The following PDK2 variants were observed in gnomAD, a reference collection of about 807,000 sequenced individuals.
PDK2 encodes the protein pyruvate dehydrogenase kinase, isozyme 2.
In PDK2, 34 loss-of-function variants were observed where a neutral mutation model predicts 50.4. The ratio of observed to expected loss-of-function variants is 0.68; its 90% CI spans 0.51 to 0.90. PDK2 has a LOEUF of 0.90. PDK2 is among the 40% of genes least tolerant of loss of function. PDK2 has a pLI of 0.00. For synonymous variants in PDK2, 232 were observed against 216.0 expected (o/e 1.07, Z -0.65); for missense variants, 377 against 544.5 (o/e 0.69, Z 3.06).
chr17:50,097,471 A>G lies in PDK2; in HGVS notation c.167A>G (p.Glu56Gly). The change falls in exon 2 of 11, where the codon GAG (glutamate) becomes GGG (glycine). Residue 56 changes from glutamate to glycine, a missense_variant. Physicochemically the swap from Glu to Gly is moderately conservative, Grantham distance 98. This residue lies in a region of PDK2 where 100 missense variants were observed against 115.5 expected (regional missense o/e 0.87). Transcript: ENST00000503176. The part of the protein sequence containing the change: ...EKTSFTFLRQ[E>G]LPVRLANIMK... ...ACCTCCTTCACCTTCCTCAGGCAGG[A>G]GCTGCCTGTGCGCCTGGCCAACATC... 1 of 1,613,770 alleles carries G rather than the reference A, an allele frequency of 6.2e-7. No individual in the cohort carries two copies. The highest frequency in any genetic ancestry group is 8.5e-7 in the Non-Finnish European group (1 of 1,179,814).
chr17:50,100,065 G>C (rs146062327), intron 2 of PDK2, among the ~76,000 whole-genome samples: 9 of 152,328 alleles, frequency 5.9e-5, no homozygotes, highest in Middle Eastern at 3.4e-3. Flanking sequence ...CTGAGAGGAG[G>C]GGGGAGACTT....
chr17:50,100,861 G>A (rs1280942312), intron 2 of PDK2: 1 of 152,290 alleles, frequency 6.6e-6, no homozygotes, highest in African/African-American at 2.4e-5. Flanking sequence ...ATTCTTGAAG[G>A]GAAAGGAGGG....
chr17:50,099,326 G>C (rs1191312232), intron 2 of PDK2, among the ~76,000 whole-genome samples: 1 of 152,178 alleles, frequency 6.6e-6, no homozygotes, highest in African/African-American at 2.4e-5. Flanking sequence ...AGGAGGGCAG[G>C]GGCCTGCTGA....
chr17:50,107,249 CA>C lies in PDK2; in HGVS notation c.685+97del, dbSNP rs1302187426. On this transcript the variant is annotated intron_variant, in intron 6 of 10. Coordinates refer to ENST00000503176, the MANE Select transcript of PDK2 (RefSeq NM_002611.5). ...GTCAGGAGATGGACTGTTTTCTAGA[CA>C]GGGGAGAAGCAGAGTTATTATATTA... 8 of 890,858 alleles carry C rather than the reference CA, an allele frequency of 9.0e-6. No homozygotes were observed. In the African/African-American group the frequency reaches 9.9e-5, roughly 11 times the overall value. The allele number at this position is 890,858 out of a possible 1,614,324, so 55.2% of individuals were successfully genotyped here.
At chr17:50,105,739 A>T in intron 3 of PDK2, 146 bp from the exon 4 acceptor site, 1 of 1,145,146 alleles carries the variant, frequency 8.7e-7, no homozygotes, top group Non-Finnish European at 1.2e-6. Context: ...CTAAAAGATC[A>T]GAGTGGGCTT....
rs980252335 is a variant in PDK2 at position 50,109,125 on chromosome 17, C to T, written c.970-162C>T. Among the ~76,000 whole-genome samples the T allele has an allele frequency of 6.6e-6, 1 of 152,096 alleles. No homozygotes were observed. Among genetic ancestry groups the T allele is most frequent in the Admixed American group, 6.5e-5 (1 of 15,278 alleles). On this transcript the variant is annotated intron_variant, in intron 9 of 10. Transcript: ENST00000503176. The surrounding 1 kb of genome is among the most constrained non-coding windows in gnomAD (Gnocchi z 5.0). ...ATGATTGCCCCATTCACCCCACACA[C>T]ACTTCTTACCTCAGTGTCCCCTCCC...
rs1910023431 is a variant in PDK2, at chr17:50,097,756, C to T, written c.260+192C>T. 5 of 585,556 alleles carry T rather than the reference C, an allele frequency of 8.5e-6. No homozygotes were observed. In the East Asian group the frequency reaches 8.7e-5, roughly 10 times the overall value. The allele number at this position is 585,556 out of a possible 1,614,324, so 36.3% of individuals were successfully genotyped here. A position where few individuals can be genotyped will look rare whatever the true frequency, so the allele number is the denominator to read the frequency against. On this transcript the variant is annotated intron_variant, in intron 2 of 10. Coordinates refer to ENST00000503176, the MANE Select transcript of PDK2 (RefSeq NM_002611.5). ...AGGCCAGAGCAGGACTGAGGTCAAGCTCCTAGTCTCTGTGTCTAGCCCTCT... is the reference window on the plus strand; with the variant it reads ...AGGCCAGAGCAGGACTGAGGTCAAGTTCCTAGTCTCTGTGTCTAGCCCTCT...
rs1383373433 is a variant in PDK2, at chr17:50,111,567, C to T, written c.*1470C>T. 6.6e-6 allele frequency: 1 copy of T among 152,260 alleles called. No individual in the cohort carries two copies. The highest frequency in any genetic ancestry group is 1.5e-5 in the Non-Finnish European group (1 of 68,072). 9.4% of individuals were successfully genotyped at this position (152,260 alleles called of 1,614,324 possible). A position where few individuals can be genotyped will look rare whatever the true frequency, so the allele number is the denominator to read the frequency against. On this transcript the variant is annotated 3_prime_UTR_variant, in exon 11 of 11. Coordinates refer to ENST00000503176, the MANE Select transcript of PDK2 (RefSeq NM_002611.5). ...GGTACAGGGTGCTGGCCGTAAGCCA[C>T]AGCCCCTGGGCAGGAATGAGGGAGC...
chr17:50,097,328 C>G (rs1033974356), intron 1 of PDK2, 95 bp from the exon 2 acceptor site: 1 of 1,311,862 alleles, frequency 7.6e-7, no homozygotes, highest in Non-Finnish European at 1.1e-6. Flanking sequence ...GCTCTCTGAG[C>G]CCCCTGTTAA....
At chr17:50,105,202 A>T in intron 2 of PDK2, 169 bp from the exon 3 acceptor site, 1 of 491,882 alleles carries the variant, frequency 2.0e-6, no homozygotes, top group Non-Finnish European at 3.6e-6. Flanking sequence ...TGTCAGGGAG[A>T]CTCACATACA....
rs1910737574 is a variant in PDK2, at chr17:50,109,921, A to C, written c.1084-36A>C. ...GTCTGCTGAGGAGTGGACAAGGCAC[A>C]GGGAGGTGGGAGGGGCTGACCCTGA... On this transcript the variant is annotated intron_variant, in intron 10 of 10. Coordinates refer to ENST00000503176, the MANE Select transcript of PDK2 (RefSeq NM_002611.5). The surrounding 1 kb of genome is among the most constrained non-coding windows in gnomAD (Gnocchi z 5.0). 1 of 1,492,954 alleles carries C rather than the reference A, an allele frequency of 6.7e-7. No individual in the cohort carries two copies. Among genetic ancestry groups the C allele is most frequent in the East Asian group, 2.5e-5 (1 of 40,268 alleles). The allele number at this position is 1,492,954 out of a possible 1,614,324, so 92.5% of individuals were successfully genotyped here.
chr17:50,105,117 A>G (rs912023013), intron 2 of PDK2, among the ~76,000 whole-genome samples: 6 of 152,184 alleles, frequency 3.9e-5, no homozygotes, highest in African/African-American at 1.4e-4. Flanking sequence ...TGAGAGGACT[A>G]TTCTAGGATT....
At chr17:50,108,042 G>T in intron 6 of PDK2, 114 bp from the exon 7 acceptor site, 1 of 789,174 alleles carries the variant, frequency 1.3e-6, no homozygotes, top group South Asian at 1.5e-5. Flanking sequence ...TTAGTCTCTC[G>T]CTGGGCAGCC....
In PDK2 at chr17:50,108,608, C is replaced by A. The variant is rs1910645483; in HGVS notation, c.862-4C>A. 25 of 1,605,722 alleles carry A rather than the reference C, an allele frequency of 1.6e-5. No homozygotes were observed. The highest frequency in any genetic ancestry group is 2.1e-5 in the Non-Finnish European group (25 of 1,174,462). On this transcript the variant is annotated splice_region_variant and splice_polypyrimidine_tract_variant and intron_variant, in intron 8 of 10. Transcript: ENST00000503176. Reference sequence around the variant, plus strand: ...GAATCCCTGACACATCCCATCTCTCCCAGATGAGTGACCGAGGTGGGGGTG... The same window carrying A: ...GAATCCCTGACACATCCCATCTCTCACAGATGAGTGACCGAGGTGGGGGTG...
chr17:50,103,821 ACT>A (rs1468432537), intron 2 of PDK2, among the ~76,000 whole-genome samples: 1 of 151,972 alleles, frequency 6.6e-6, no homozygotes, highest in Non-Finnish European at 1.5e-5. Context: ...AGCGCTGGAG[ACT>A]CGGGGGCTTC....
In PDK2 at chr17:50,108,417, G is replaced by C. The variant is rs964239476; in HGVS notation, c.861G>C (p.Lys287Asn). 10 of 1,610,762 alleles carry C rather than the reference G, an allele frequency of 6.2e-6. No individual in the cohort carries two copies. The highest frequency in any genetic ancestry group is 8.5e-6 in the Non-Finnish European group (10 of 1,177,024). The change falls in exon 8 of 11, where the codon AAG becomes AAC. Residue 287 changes from lysine to asparagine, a missense_variant and splice_region_variant. Transcript: ENST00000503176. ...VALGEEDLSIKMSDRGGGVPL... is the reference protein window; with the variant it reads ...VALGEEDLSINMSDRGGGVPL... ...TGGGTGAGGAAGATCTGTCCATCAA[G>C]GTATGTGACCCTTTGACCTTGGGGA...
chr17:50,103,248 G>A (rs1394880873), intron 2 of PDK2, among the ~76,000 whole-genome samples: 2 of 152,130 alleles, frequency 1.3e-5, no homozygotes, highest in East Asian at 3.9e-4. Context: ...TCCTCCTATC[G>A]GGCTCTGTGC....
At chr17:50,098,261 C>A (rs1046689408) in intron 2 of PDK2, among the ~76,000 whole-genome samples, 1 of 152,212 alleles carries the variant, frequency 6.6e-6, no homozygotes, top group Non-Finnish European at 1.5e-5. Context: ...TGGTGGCACC[C>A]TTGCAGAAAT....
rs748458137 is a variant in PDK2, at chr17:50,106,791, C to T, written c.518-3C>T. On this transcript the variant is annotated splice_polypyrimidine_tract_variant and splice_region_variant and intron_variant, in intron 4 of 10. Transcript: ENST00000503176. ...CAACAGCATCCTCCCTTCCTGCCTG[C>T]AGCCCTCATCTTTGATGGCAGCACC... 10 of 1,613,722 alleles carry T rather than the reference C, an allele frequency of 6.2e-6. No individual in the cohort carries two copies. The Admixed American group carries it at 1.7e-4, about 27-fold the overall frequency.
Sources: gnomAD v4.1 joint callset for allele counts (sites outside exome capture counted in the v4.1 genomes callset) on GRCh38, gnomAD v4.1.1 for gene constraint, gnomAD v4.1.1 regional missense constraint, Gnocchi (gnomAD v3.1) non-coding constraint, MANE v1.5 for transcripts, NCBI Gene and HGNC (gene_info 2026-07-23, HGNC 2026-07-21) for gene names.